Variants in SHQ1 observed in about 807,000 individuals in gnomAD.
The protein encoded by SHQ1 is protein SHQ1 homolog.
In SHQ1, 49 loss-of-function variants were observed where a neutral mutation model predicts 53.8. The ratio of observed to expected loss-of-function variants is 0.91; its 90% CI spans 0.72 to 1.16. The LOEUF (loss-of-function observed/expected upper bound fraction) is 1.16. Among genes scored for constraint, SHQ1 ranks in the 50% most tolerant of loss-of-function variants. The pLI is 0.00. For missense variants in SHQ1, 738 were observed against 683.1 expected (o/e 1.08, Z -0.90); for synonymous variants, 243 against 251.0 (o/e 0.97, Z 0.30).
chr3:72,735,778 C>T, the SHQ1 span, among the ~76,000 whole-genome samples: 1 of 147,926 alleles, frequency 6.8e-6, no homozygotes, highest in Admixed American at 6.7e-5. Flanking sequence ...GGCAGGCAGG[C>T]AGGCAGGCAG....
chr3:72,823,030 T>C (rs540756587), intron 6 of SHQ1, among the ~76,000 whole-genome samples: 20 of 151,418 alleles, frequency 1.3e-4, no homozygotes, highest in Middle Eastern at 3.4e-3. Flanking sequence ...GTGCCTGTAG[T>C]CCCAGCTACT....
chr3:72,751,494 G>GTACATATATATATA (rs1431742565), intron 10 of SHQ1, among the ~76,000 whole-genome samples: 14 of 97,552 alleles, frequency 1.4e-4, no homozygotes, highest in African/African-American at 5.5e-4. Flanking sequence ...GTGTGTGTGT[G>GTACATATATATATA]TGTGTGTGTG....
chr3:72,749,738 T>G lies in SHQ1; in HGVS notation c.*546A>C, dbSNP rs1705325721. 4.6e-6 allele frequency: 1 copy of G among 217,988 alleles called. No homozygotes were observed. The highest frequency in any genetic ancestry group is 5.8e-5 in the Admixed American group (1 of 17,228). 13.5% of individuals were successfully genotyped at this position (217,988 alleles called of 1,614,324 possible). A position where few individuals can be genotyped will look rare whatever the true frequency, so the allele number is the denominator to read the frequency against. ...GACACGGGCAGTAGAACTATTATTT[T>G]CAGCTTGAAATATTAGCTACACTTT... is the stretch of plus-strand genomic sequence containing the variant. On this transcript the variant is annotated 3_prime_UTR_variant, in exon 11 of 11. Transcript: ENST00000325599.
the SHQ1 span, among the ~76,000 whole-genome samples, chr3:72,728,506 G>A: frequency 1.3e-5 from 2 of 152,174 alleles, no homozygotes; most frequent in African/African-American, 4.8e-5. Flanking sequence ...GGAGCAACAA[G>A]TCTACATCTG....
intron 10 of SHQ1, among the ~76,000 whole-genome samples, chr3:72,770,163 T>C (rs1705815572): frequency 6.6e-6 from 1 of 152,244 alleles, no homozygotes; most frequent in African/African-American, 2.4e-5. Context: ...GCAAATATTA[T>C]TGACCACTTA....
At chr3:72,774,524 CTT>C (rs1351000888) in intron 10 of SHQ1, among the ~76,000 whole-genome samples, 2 of 152,106 alleles carry the variant, frequency 1.3e-5, no homozygotes, top group African/African-American at 4.8e-5. Context: ...ACAACAAAAA[CTT>C]TTCTATAAAA....
At chr3:72,760,742 G>C (rs76702374) in intron 10 of SHQ1, among the ~76,000 whole-genome samples, 3,157 of 152,262 alleles carry the variant, frequency 0.021, 99 homozygotes, top group Middle Eastern at 0.058. Flanking sequence ...AATTCCTATG[G>C]AGAAGTCAGC....
intron 10 of SHQ1, among the ~76,000 whole-genome samples, chr3:72,768,257 C>T (rs1338870561): frequency 6.6e-6 from 1 of 152,220 alleles, no homozygotes; most frequent in Non-Finnish European, 1.5e-5. Flanking sequence ...GCTGCCTCTG[C>T]TAGCTTTGAT....
At chr3:72,773,541 A>C (rs774610463) in intron 10 of SHQ1, 2 of 219,694 alleles carry the variant, frequency 9.1e-6, no homozygotes, top group African/African-American at 2.4e-5. Flanking sequence ...CCAAAATGGC[A>C]TTTCAGAACT....
intron 10 of SHQ1, among the ~76,000 whole-genome samples, chr3:72,765,994 G>A (rs912937772): frequency 6.6e-6 from 1 of 152,110 alleles, no homozygotes; most frequent in Non-Finnish European, 1.5e-5. Context: ...GTAAAATATA[G>A]TGTGCTAGAT....
chr3:72,822,855 A>C (rs1707519024), intron 6 of SHQ1, among the ~76,000 whole-genome samples: 1 of 152,218 alleles, frequency 6.6e-6, no homozygotes, highest in South Asian at 2.1e-4. Flanking sequence ...ATCTATAACA[A>C]AGAGTCACTA....
intron 4 of SHQ1, among the ~76,000 whole-genome samples, chr3:72,839,610 G>C (rs1363906285): frequency 6.6e-6 from 1 of 152,160 alleles, no homozygotes; most frequent in East Asian, 1.9e-4. Context: ...TTCCAAAGAG[G>C]AGACAAAACT....
At chr3:72,801,488 A>G (rs1706786339) in intron 9 of SHQ1, among the ~76,000 whole-genome samples, 1 of 152,236 alleles carries the variant, frequency 6.6e-6, no homozygotes, top group African/African-American at 2.4e-5. Flanking sequence ...ATAGGAGTAT[A>G]TAGGAAGAAA....
chr3:72,826,049 G>C (rs1459399813), intron 5 of SHQ1, among the ~76,000 whole-genome samples: 1 of 152,102 alleles, frequency 6.6e-6, no homozygotes, highest in Admixed American at 6.6e-5. Flanking sequence ...TCTTGGCCAA[G>C]TTCAGAGAAC....
In SHQ1 at chr3:72,842,309, CT is replaced by C; in HGVS notation, c.301del (p.Arg101GlyfsTer10). On this transcript the variant is annotated frameshift_variant, in exon 3 of 11. Coordinates refer to ENST00000325599, the MANE Select transcript of SHQ1 (RefSeq NM_018130.3). LOFTEE classifies it high-confidence loss of function. ...TTCTTCCACAAGTGGTTTTGCTGTC[CT>C]GGATTTTCTTGGTGCCAGAAGAGCA... ...LTALLAPRKS[R>X]TAKPLVEEIG... 6.2e-7 allele frequency: 1 copy of C among 1,613,766 alleles called. No individual in the cohort carries two copies. Among genetic ancestry groups the C allele is most frequent in the Non-Finnish European group, 8.5e-7 (1 of 1,179,802 alleles).
chr3:72,743,634 A>G, the SHQ1 span, among the ~76,000 whole-genome samples: 1 of 152,232 alleles, frequency 6.6e-6, no homozygotes, highest in Non-Finnish European at 1.5e-5. Flanking sequence ...ATTACTAGCT[A>G]GTAAAGAGCT....
intron 4 of SHQ1, among the ~76,000 whole-genome samples, chr3:72,836,133 T>C (rs1389037880): frequency 6.6e-6 from 1 of 152,132 alleles, no homozygotes; most frequent in Non-Finnish European, 1.5e-5. Context: ...GGAAATCCAG[T>C]AATAAACACA....
chr3:72,793,164 TTA>T (rs1271956774), intron 9 of SHQ1, 128 bp from the exon 10 acceptor site: 1 of 794,932 alleles, frequency 1.3e-6, no homozygotes, highest in East Asian at 2.7e-5. Context: ...GCAAAAAAAT[TTA>T]TGAGTCCTAT....
chr3:72,835,713 G>A (rs1707973233), intron 4 of SHQ1, among the ~76,000 whole-genome samples: 2 of 152,200 alleles, frequency 1.3e-5, no homozygotes, highest in South Asian at 2.1e-4. Flanking sequence ...GCTCAAATAC[G>A]CTCAAGCCAC....
Sources: gnomAD v4.1 joint callset for allele counts (sites outside exome capture counted in the v4.1 genomes callset) on GRCh38, gnomAD v4.1.1 for gene constraint, MANE v1.5 for transcripts, NCBI Gene and HGNC (gene_info 2026-07-23, HGNC 2026-07-21) for gene names.